The following PITPNM3 variants were observed in gnomAD, a reference collection of about 807,000 sequenced individuals.
PITPNM3 encodes the protein membrane-associated phosphatidylinositol transfer protein 3.
PITPNM3 carries 26 observed loss-of-function variants against 102.0 expected under a neutral mutation model. The ratio of observed to expected loss-of-function variants is 0.25; its 90% CI spans 0.19 to 0.35. The LOEUF is 0.35. Ranked by LOEUF, PITPNM3 falls within the 10% of genes least tolerant of loss-of-function variation. The pLI is 1.00. For missense variants in PITPNM3, 1,083 were observed against 1,346.1 expected (o/e 0.80, Z 3.06); for synonymous variants, 578 against 558.6 (o/e 1.03, Z -0.49).
chr17:6,464,737 A>G lies in PITPNM3; in HGVS notation c.1925T>C (p.Ile642Thr). The G allele has an allele frequency of 6.2e-7, 1 of 1,614,170 alleles. No individual in the cohort carries two copies. The highest frequency in any genetic ancestry group is 8.5e-7 in the Non-Finnish European group (1 of 1,180,028). ...VTANHRANDV[I>T]AAEDGPQVLV... ...GACCTGGGGGCCATCTTCAGCAGCA[A>G]TCACATCATTGGCCCGGTGATTAGC... Residue 642 changes from isoleucine to threonine, a missense_variant, in exon 15 of 20, where the codon ATT becomes ACT. By Grantham distance (89) the Ile-to-Thr change is moderately conservative (BLOSUM62 -1). Coordinates refer to ENST00000262483, the MANE Select transcript of PITPNM3 (RefSeq NM_031220.4).
chr17:6,543,777 G>A (rs763465171), intron 1 of PITPNM3, among the ~76,000 whole-genome samples: 23 of 152,202 alleles, frequency 1.5e-4, no homozygotes, highest in Non-Finnish European at 2.5e-4. Flanking sequence ...AGTGGAAATG[G>A]TCCTCCCAGA....
chr17:6,525,299 C>T, intron 3 of PITPNM3, 57 bp downstream of exon 3: 5 of 1,473,152 alleles, frequency 3.4e-6, no homozygotes, highest in South Asian at 2.3e-5. Flanking sequence ...AGCCCTACAG[C>T]CCCCCCTGCA....
intron 1 of PITPNM3, among the ~76,000 whole-genome samples, chr17:6,539,858 C>T (rs1909640313): frequency 6.6e-6 from 1 of 152,184 alleles, no homozygotes; most frequent in Non-Finnish European, 1.5e-5. Flanking sequence ...CAGCAAAGTC[C>T]TATTATCCCC....
intron 3 of PITPNM3, among the ~76,000 whole-genome samples, chr17:6,515,397 CAAAAAAA>C (rs61420968): frequency 6.1e-5 from 5 of 82,222 alleles, no homozygotes; most frequent in East Asian, 3.1e-4. Flanking sequence ...GACTCCATCT[CAAAAAAA>C]AAAAAAAAAA....
chr17:6,452,198 GC>G lies in PITPNM3; in HGVS notation c.*3139del, dbSNP rs1280203163. The G allele has an allele frequency of 6.6e-6, 1 of 152,150 alleles. No individual in the cohort carries two copies. The highest frequency in any genetic ancestry group is 2.4e-5 in the African/African-American group (1 of 41,426). The allele number at this position is 152,150 out of a possible 1,614,324, so 9.4% of individuals were successfully genotyped here. ...TCATCCCAATGCATGAAAGGAGTCT[GC>G]TTTTTTAAAAAAGAAATATTTTATG... is the stretch of plus-strand genomic sequence containing the variant. On this transcript the variant is annotated 3_prime_UTR_variant, in exon 20 of 20. Coordinates refer to ENST00000262483, the MANE Select transcript of PITPNM3 (RefSeq NM_031220.4).
rs1567670336 is a variant in PITPNM3, at chr17:6,482,034, C to G, written c.587+1483G>C. 1.8e-3 allele frequency among the ~76,000 whole-genome samples: 137 copies of G among 77,396 alleles called. 8 individuals carry two copies. The highest frequency in any genetic ancestry group is 4.0e-3 in the Admixed American group (28 of 7,022). 50.8% of individuals were successfully genotyped at this position (77,396 alleles called of 152,430 possible). A position where few individuals can be genotyped will look rare whatever the true frequency, so the allele number is the denominator to read the frequency against. ...TCTCTCTCTCTCTCTCTCTCTCTCTCTGTCTGTCTCTCTCTCTCTCTCTCT... is the reference window on the plus strand; with the variant it reads ...TCTCTCTCTCTCTCTCTCTCTCTCTGTGTCTGTCTCTCTCTCTCTCTCTCT... On this transcript the variant is annotated intron_variant, in intron 6 of 19. Transcript: ENST00000262483.
intron 5 of PITPNM3, 90 bp downstream of exon 5, chr17:6,484,126 G>T (rs753534851): frequency 4.3e-5 from 60 of 1,389,400 alleles, no homozygotes; most frequent in Non-Finnish European, 5.8e-5. Flanking sequence ...CGAAGAGCTG[G>T]AAGAAAACGA....
At chr17:6,518,696 G>A (rs942749440) in intron 3 of PITPNM3, among the ~76,000 whole-genome samples, 3 of 152,144 alleles carry the variant, frequency 2.0e-5, no homozygotes, top group African/African-American at 7.2e-5. Flanking sequence ...TCTTTGAAAA[G>A]ACCATCGAAA....
rs753567350 is a variant in PITPNM3 at position 6,503,545 on chromosome 17, T to A, written c.256A>T (p.Ile86Phe). Reference sequence around the variant, plus strand: ...GACTCACGCTGCTTCTCCTGGAGGATGCTGGATGTGCACGGCGCGGTCCCT... The same window carrying A: ...GACTCACGCTGCTTCTCCTGGAGGAAGCTGGATGTGCACGGCGCGGTCCCT... The part of the protein sequence containing the change: ...GEGTAPCTSS[I>F]LQEKQRELYR... Residue 86 changes from isoleucine to phenylalanine, a missense_variant, in exon 4 of 20, where the codon ATC (isoleucine) becomes TTC (phenylalanine). Coordinates refer to ENST00000262483, the MANE Select transcript of PITPNM3 (RefSeq NM_031220.4). The A allele has an allele frequency of 6.2e-7, 1 of 1,612,598 alleles. No individual in the cohort carries two copies. The highest frequency in any genetic ancestry group is 8.5e-7 in the Non-Finnish European group (1 of 1,180,010).
chr17:6,489,585 C>T (rs4796504), intron 4 of PITPNM3, among the ~76,000 whole-genome samples: 144,410 of 152,086 alleles, frequency 0.95, 68,616 homozygotes, highest in East Asian at 1. Context: ...ACTAATGCCT[C>T]CACCCCTCAG....
intron 11 of PITPNM3, among the ~76,000 whole-genome samples, chr17:6,471,644 A>G (rs1472047173): frequency 6.6e-6 from 1 of 152,172 alleles, no homozygotes; most frequent in Non-Finnish European, 1.5e-5. Context: ...CCTCCAATAA[A>G]GCTGCAGAGG....
chr17:6,509,409 G>A (rs573734943), intron 3 of PITPNM3, among the ~76,000 whole-genome samples: 63 of 152,274 alleles, frequency 4.1e-4, no homozygotes, highest in South Asian at 2.5e-3. Flanking sequence ...AGACAGACGG[G>A]GCCTTGGAGA....
chr17:6,532,289 T>C (rs1038824227), intron 2 of PITPNM3, among the ~76,000 whole-genome samples: 1 of 152,136 alleles, frequency 6.6e-6, no homozygotes, highest in African/African-American at 2.4e-5. Flanking sequence ...TGTCCTTTTA[T>C]GTTATATGGT....
chr17:6,555,974 G>T (rs1179137719), intron 1 of PITPNM3, among the ~76,000 whole-genome samples: 1 of 152,162 alleles, frequency 6.6e-6, no homozygotes, highest in Non-Finnish European at 1.5e-5. Context: ...GATGGAGAGA[G>T]CTGCAGGAGC....
At chr17:6,526,654 C>G (rs1908852454) in intron 2 of PITPNM3, among the ~76,000 whole-genome samples, 1 of 152,182 alleles carries the variant, frequency 6.6e-6, no homozygotes, top group Non-Finnish European at 1.5e-5. Flanking sequence ...ATTTGATTGA[C>G]TTAACAACAC....
chr17:6,538,389 G>A (rs1382268451), intron 1 of PITPNM3, among the ~76,000 whole-genome samples: 1 of 151,952 alleles, frequency 6.6e-6, no homozygotes, highest in Non-Finnish European at 1.5e-5. Context: ...AGTCAGCACA[G>A]GGGAAGCTCT....
chr17:6,555,350 A>T (rs1910545622), intron 1 of PITPNM3, among the ~76,000 whole-genome samples: 1 of 152,170 alleles, frequency 6.6e-6, no homozygotes, highest in Non-Finnish European at 1.5e-5. Flanking sequence ...GGGTGGATTG[A>T]CACACAGCCC....
chr17:6,504,013 G>A (rs1907341576), intron 3 of PITPNM3, among the ~76,000 whole-genome samples: 2 of 151,886 alleles, frequency 1.3e-5, no homozygotes, highest in African/African-American at 4.8e-5. Flanking sequence ...ATATCCCACT[G>A]CCCCCCAGAC....
chr17:6,455,733 G>GGGGA, intron 19 of PITPNM3, 90 bp from the exon 20 acceptor site: 1 of 95,170 alleles, frequency 1.1e-5, no homozygotes, highest in Non-Finnish European at 2.4e-5. Flanking sequence ...GGGAGGGGAG[G>GGGGA]GGAGGGGAGG....
Sources: allele counts gnomAD v4.1 joint callset (sites outside exome capture counted in the v4.1 genomes callset), GRCh38; gene constraint gnomAD v4.1.1; transcripts MANE v1.5; gene names NCBI Gene and HGNC (gene_info 2026-07-23, HGNC 2026-07-21).